The following MLLT3 variants were observed in gnomAD, a reference collection of about 807,000 sequenced individuals.
The protein encoded by MLLT3 is MLLT3 super elongation complex subunit, also known as protein AF-9.
A neutral mutation model predicts 53.2 loss-of-function variants in MLLT3; 4 were observed. The observed-to-expected ratio is 0.08, with a 90% CI of 0.04 to 0.17. The LOEUF is 0.17. Ranked by LOEUF, MLLT3 falls within the 10% of genes least tolerant of loss-of-function variation. The probability of loss-of-function intolerance (pLI) is 1.00; values close to 1 mark genes in which losing one functional copy is unlikely to be tolerated. For synonymous variants in MLLT3, 283 were observed against 230.6 expected (o/e 1.23, Z -2.06); for missense variants, 569 against 684.0 (o/e 0.83, Z 1.87).
intron 4 of MLLT3, among the ~76,000 whole-genome samples, chr9:20,420,507 A>G (rs1280551021): frequency 6.6e-6 from 1 of 152,240 alleles, no homozygotes; most frequent in Admixed American, 6.5e-5. Flanking sequence ...AGGATAAAAA[A>G]TGTAAAAATC....
chr9:20,516,667 A>G (rs1252879337), intron 2 of MLLT3, among the ~76,000 whole-genome samples: 1 of 152,232 alleles, frequency 6.6e-6, no homozygotes, highest in Non-Finnish European at 1.5e-5. Context: ...ATACTCTTGA[A>G]CCAAAAAAGA....
chr9:20,573,466 C>T (rs1341002844), intron 2 of MLLT3, among the ~76,000 whole-genome samples: 1 of 152,144 alleles, frequency 6.6e-6, no homozygotes, highest in Non-Finnish European at 1.5e-5. Flanking sequence ...AGGCATGAAC[C>T]ACTGTGGCCA....
intron 2 of MLLT3, among the ~76,000 whole-genome samples, chr9:20,565,644 G>A (rs1819335054): frequency 1.3e-5 from 2 of 151,542 alleles, no homozygotes; most frequent in Non-Finnish European, 2.9e-5. Flanking sequence ...ACCTAACCAC[G>A]AATTACGGTA....
At chr9:20,571,013 T>C (rs1430761869) in intron 2 of MLLT3, among the ~76,000 whole-genome samples, 1 of 152,264 alleles carries the variant, frequency 6.6e-6, no homozygotes, top group Admixed American at 6.5e-5. Context: ...AGTAAAACTC[T>C]AGGCTTTATC....
intron 2 of MLLT3, among the ~76,000 whole-genome samples, chr9:20,536,173 AAAAAC>A (rs141799842): frequency 0.23 from 33,962 of 150,554 alleles, 4,012 homozygotes; most frequent in African/African-American, 0.29. Flanking sequence ...CAGCATCTTT[AAAAAC>A]AAAACAAAAC....
At chr9:20,414,575 A>G (rs1283668969) in intron 4 of MLLT3, 150 bp from the exon 5 acceptor site, 2 of 1,126,730 alleles carry the variant, frequency 1.8e-6, no homozygotes, top group Non-Finnish European at 1.2e-6. Flanking sequence ...AAACCACAAT[A>G]TAACAGGTGA....
chr9:20,429,622 C>G (rs772497289), intron 4 of MLLT3, among the ~76,000 whole-genome samples: 1 of 152,058 alleles, frequency 6.6e-6, no homozygotes, highest in African/African-American at 2.4e-5. Flanking sequence ...AGTACTTTGG[C>G]GTGACAAAAA....
At chr9:20,379,319 A>G (rs1221960985) in intron 5 of MLLT3, among the ~76,000 whole-genome samples, 1 of 152,066 alleles carries the variant, frequency 6.6e-6, no homozygotes, top group Non-Finnish European at 1.5e-5. Context: ...CTGAAGTCCC[A>G]TCTCTAAAAC....
chr9:20,594,641 A>C (rs1214026440), intron 2 of MLLT3, among the ~76,000 whole-genome samples: 1 of 152,018 alleles, frequency 6.6e-6, no homozygotes, highest in Non-Finnish European at 1.5e-5. Context: ...GGTCATAAAG[A>C]CCCTGCTTAC....
chr9:20,434,445 C>T (rs1823352275), intron 4 of MLLT3, among the ~76,000 whole-genome samples: 1 of 152,110 alleles, frequency 6.6e-6, no homozygotes, highest in Admixed American at 6.5e-5. Flanking sequence ...GGAAGCCCCA[C>T]ATCTCAATCT....
At chr9:20,395,898 G>C (rs1009750511) in intron 5 of MLLT3, among the ~76,000 whole-genome samples, 1 of 152,160 alleles carries the variant, frequency 6.6e-6, no homozygotes, top group African/African-American at 2.4e-5. Context: ...AGGTAAACAG[G>C]ATGAAGGAAA....
intron 10 of MLLT3, among the ~76,000 whole-genome samples, chr9:20,348,041 A>C (rs1820921421): frequency 6.6e-6 from 1 of 152,206 alleles, no homozygotes; most frequent in African/African-American, 2.4e-5. Context: ...CTTTCACAGA[A>C]GCATGACATA....
chr9:20,448,610 C>T lies in MLLT3; in HGVS notation c.277-344G>A, dbSNP rs180846719. 1.3e-5 allele frequency among the ~76,000 whole-genome samples: 2 copies of T among 152,242 alleles called. No individual in the cohort carries two copies. Among genetic ancestry groups the T allele is most frequent in the Admixed American group, 6.5e-5 (1 of 15,272 alleles). ...ACCCCAGTACACTCACCATCAAAGG[C>T]TGCCATTTTCTCCATAAATATTTCT... On this transcript the variant is annotated intron_variant, in intron 3 of 10. Coordinates refer to ENST00000380338, the MANE Select transcript of MLLT3 (RefSeq NM_004529.4). This position sits in a 1 kb window ranked among gnomAD's most constrained non-coding sequence, Gnocchi z 4.0.
chr9:20,378,194 A>T (rs191604316), intron 5 of MLLT3, among the ~76,000 whole-genome samples: 1 of 152,070 alleles, frequency 6.6e-6, no homozygotes, highest in African/African-American at 2.4e-5. Context: ...ATTCTTGTAC[A>T]TAATATGTTG....
intron 5 of MLLT3, among the ~76,000 whole-genome samples, chr9:20,400,390 G>C (rs1822425304): frequency 1.3e-5 from 2 of 152,052 alleles, no homozygotes; most frequent in South Asian, 4.1e-4. Context: ...AAAATGTAGA[G>C]AAAAAAACTT....
chr9:20,614,985 C>T (rs1820789665), intron 2 of MLLT3, among the ~76,000 whole-genome samples: 1 of 147,134 alleles, frequency 6.8e-6, no homozygotes, highest in South Asian at 2.2e-4. Context: ...GGTAGTTCTA[C>T]AGAGGGGCAC....
chr9:20,453,350 C>T (rs377592771), intron 3 of MLLT3, among the ~76,000 whole-genome samples: 1 of 152,070 alleles, frequency 6.6e-6, no homozygotes, highest in African/African-American at 2.4e-5. Flanking sequence ...CACTTGAGCC[C>T]AGGAGCTCGA....
At chr9:20,563,557 A>G (rs899590027) in intron 2 of MLLT3, among the ~76,000 whole-genome samples, 3 of 152,128 alleles carry the variant, frequency 2.0e-5, no homozygotes, top group African/African-American at 7.2e-5. Flanking sequence ...ATCTGGAACA[A>G]GCAGCATCTC....
Position 20,494,467 on chromosome 9 carries a change from G to A in MLLT3, c.194-37681C>T, listed in dbSNP as rs180825104. 2.2e-4 allele frequency among the ~76,000 whole-genome samples: 34 copies of A among 152,210 alleles called. No homozygotes were observed. The East Asian group carries it at 5.6e-3, about 25-fold the overall frequency. ...TTAAGAAATAAGCAAATAATTCTTT[G>A]AAGTATTTGAATTTATCTCTGGGAA... On this transcript the variant is annotated intron_variant, in intron 2 of 10. Coordinates refer to ENST00000380338, the MANE Select transcript of MLLT3 (RefSeq NM_004529.4).
Sources: gnomAD v4.1 joint callset for allele counts (sites outside exome capture counted in the v4.1 genomes callset) on GRCh38, gnomAD v4.1.1 for gene constraint, Gnocchi (gnomAD v3.1) non-coding constraint, MANE v1.5 for transcripts, NCBI Gene and HGNC (gene_info 2026-07-23, HGNC 2026-07-21) for gene names.